Variants in ERCC4 observed in about 807,000 individuals in gnomAD.
ERCC4 encodes DNA repair endonuclease XPF.
ERCC4 carries 65 observed loss-of-function variants against 76.9 expected under a neutral mutation model. The ratio of observed to expected loss-of-function variants is 0.84; its 90% confidence interval spans 0.69 to 1.04. The LOEUF is 1.04. ERCC4 is among the 50% of genes least tolerant of loss of function. The pLI is 0.00. For synonymous variants in ERCC4, 463 were observed against 410.1 expected, an observed-to-expected ratio of 1.13 and a Z score of -1.56; for missense variants, 1,214 against 1,128.2, an observed-to-expected ratio of 1.08 and a Z score of -1.09.
rs2032620267 is a variant in ERCC4, at chr16:13,951,039, C to A, written c.*2692C>A. The A allele has an allele frequency of 5.3e-6, 1 of 188,856 alleles. No homozygotes were observed. The highest frequency in any genetic ancestry group is 2.3e-5 in the African/African-American group (1 of 42,900). The allele number at this position is 188,856 out of a possible 1,614,324, so 11.7% of individuals were successfully genotyped here. A position where few individuals can be genotyped will look rare whatever the true frequency, so the allele number is the denominator to read the frequency against. On this transcript the variant is annotated 3_prime_UTR_variant, in exon 11 of 11. Coordinates refer to ENST00000311895, the MANE Select transcript of ERCC4 (RefSeq NM_005236.3). ...AATTTCTAATGAATTCTAAAATGGT[C>A]ATTGTAAGTGAAAGCCTCTCGCTAC...
At chr16:13,934,379 T>A in intron 7 of ERCC4, 77 bp downstream of exon 7, 1 of 962,470 alleles carries the variant, frequency 1.0e-6, no homozygotes, top group Non-Finnish European at 1.7e-6. Context: ...TCTTTAAAAG[T>A]AGTTCAAGAC....
Position 13,950,680 on chromosome 16 carries a change from C to G in ERCC4, c.*2333C>G, listed in dbSNP as rs1205941567. ...TATTATAATGTCTCTTCACCCTATTCTAGCACTTCTGCTTGCAGTATGTGG... is the reference window on the plus strand; with the variant it reads ...TATTATAATGTCTCTTCACCCTATTGTAGCACTTCTGCTTGCAGTATGTGG... On this transcript the variant is annotated 3_prime_UTR_variant, in exon 11 of 11. Transcript: ENST00000311895. The G allele has an allele frequency of 1.5e-5, 3 of 194,296 alleles. No individual in the cohort carries two copies. The allele number at this position is 194,296 out of a possible 1,614,324, so 12.0% of individuals were successfully genotyped here.
In ERCC4 at chr16:13,934,282, G is replaced by A. The variant is rs1238124123; in HGVS notation, c.1193G>A (p.Ser398Asn). The A allele has an allele frequency of 7.4e-6, 12 of 1,611,924 alleles. No homozygotes were observed. The African/African-American group carries it at 1.5e-4, about 20-fold the overall frequency. ...LKEIEAENKE[S>N]EALGGPGQVL... ...GAAATTGAGGCAGAAAATAAGGAGA[G>A]TGAAGCTCTTGGTGGTCCAGGTAGG... Residue 398 changes from serine to asparagine, a missense_variant, in exon 7 of 11, where the codon AGT becomes AAT. Coordinates refer to ENST00000311895, the MANE Select transcript of ERCC4 (RefSeq NM_005236.3).
At chr16:13,931,419 T>G (rs1348461093) in intron 5 of ERCC4, 2 of 160,928 alleles carry the variant, frequency 1.2e-5, no homozygotes, top group Non-Finnish European at 2.7e-5. Context: ...GGTCAAGATT[T>G]AATACAGTTA....
intron 7 of ERCC4, chr16:13,934,578 G>A (rs1303084375): frequency 2.5e-6 from 1 of 396,312 alleles, no homozygotes; most frequent in Non-Finnish European, 4.6e-6. Flanking sequence ...AAACTAGTTG[G>A]GTTCTTAGAA....
chr16:13,948,537 C>A lies in ERCC4; in HGVS notation c.*190C>A. The A allele has an allele frequency of 1.5e-6, 1 of 659,046 alleles. No individual in the cohort carries two copies. Among genetic ancestry groups the A allele is most frequent in the African/African-American group, 1.8e-5 (1 of 55,090 alleles). 40.8% of individuals were successfully genotyped at this position (659,046 alleles called of 1,614,324 possible). On this transcript the variant is annotated 3_prime_UTR_variant, in exon 11 of 11. Coordinates refer to ENST00000311895, the MANE Select transcript of ERCC4 (RefSeq NM_005236.3). Reference sequence around the variant, plus strand: ...TAGGCATCACTTGAACTTGCCTGTGCCTGCTCTTTTTCCTCCCTGCACCGT... The same window carrying A: ...TAGGCATCACTTGAACTTGCCTGTGACTGCTCTTTTTCCTCCCTGCACCGT...
At chr16:13,934,850 C>A (rs2032251559) in intron 7 of ERCC4, 1 of 314,338 alleles carries the variant, frequency 3.2e-6, no homozygotes, top group Non-Finnish European at 6.0e-6. Flanking sequence ...ATGAGATCCT[C>A]TGGAAAAAAA....
At chr16:13,922,003 C>G (rs1364233549) in intron 1 of ERCC4, 28 bp from the exon 2 acceptor site, 1 of 1,546,236 alleles carries the variant, frequency 6.5e-7, no homozygotes, top group Non-Finnish European at 8.9e-7. Context: ...TATTAAATAG[C>G]CTACTAATCA....
chr16:13,932,245 A>G lies in ERCC4; in HGVS notation c.1062A>G (p.Lys354=), dbSNP rs745796159. 6.2e-7 allele frequency: 1 copy of G among 1,611,786 alleles called. No homozygotes were observed. Among genetic ancestry groups the G allele is most frequent in the Non-Finnish European group, 8.5e-7 (1 of 1,178,216 alleles). ...TTCCAGATGCCAAAATGAGTAAAAAAGAAAAAATATCTGAAAAAATGGAAA... is the reference window on the plus strand; with the variant it reads ...TTCCAGATGCCAAAATGAGTAAAAAGGAAAAAATATCTGAAAAAATGGAAA... ...YHLPDAKMSK[K]EKISEKMEIK... The change falls in exon 6 of 11, where the codon AAA becomes AAG. Residue 354 remains lysine, a synonymous_variant. Coordinates refer to ENST00000311895, the MANE Select transcript of ERCC4 (RefSeq NM_005236.3).
At chr16:13,922,428 G>T (rs147635799) in intron 2 of ERCC4, 16 of 760,290 alleles carry the variant, frequency 2.1e-5, no homozygotes, top group Non-Finnish European at 2.6e-5. Context: ...ATCGATTCCT[G>T]ACTACTTTGT....
At position 13,920,241 on chromosome 16, in the gene ERCC4, C is replaced by T. The variant is rs1177929089; in HGVS notation, c.76C>T (p.Leu26=). ...GTACGAGCGACAGCTGGTGCTGGAA[C>T]TGCTCGACACTGACGGGCTAGTAGT... is the stretch of plus-strand genomic sequence containing the variant. ...LEYERQLVLE[L]LDTDGLVVCA... Residue 26 remains leucine (L), a synonymous_variant, in exon 1 of 11, where the codon CTG becomes TTG. Transcript: ENST00000311895. The T allele has an allele frequency of 1.2e-6, 2 of 1,607,828 alleles. No individual in the cohort carries two copies. Among genetic ancestry groups the T allele is most frequent in the East Asian group, 2.2e-5 (1 of 44,884 alleles).
Position 13,920,194 on chromosome 16 carries a change from T to C in ERCC4, c.29T>C (p.Ile10Thr). The change falls in exon 1 of 11, where the codon ATT (isoleucine) becomes ACT (threonine). Residue 10 changes from isoleucine (I) to threonine (T), a missense_variant. Ile to Thr is a moderately conservative substitution (Grantham distance 89, BLOSUM62 -1). Transcript: ENST00000311895. Reference protein sequence around the residue: MESGQPARRIAMAPLLEYER... With the variant: MESGQPARRTAMAPLLEYER... ...GAGTCAGGGCAGCCGGCTCGACGGA[T>C]TGCCATGGCGCCGCTGCTGGAGTAC... 1 of 1,606,822 alleles carries C rather than the reference T, an allele frequency of 6.2e-7. No individual in the cohort carries two copies. The highest frequency in any genetic ancestry group is 1.3e-5 in the African/African-American group (1 of 75,052).
intron 2 of ERCC4, among the ~76,000 whole-genome samples, chr16:13,923,166 G>A (rs1237817520): frequency 6.6e-6 from 1 of 152,108 alleles, no homozygotes; most frequent in Non-Finnish European, 1.5e-5. Flanking sequence ...AGCTAATGTA[G>A]GGGCTGTGCC....
intron 5 of ERCC4, chr16:13,931,409 G>T (rs2032169190): frequency 6.2e-6 from 1 of 161,280 alleles, no homozygotes; most frequent in Non-Finnish European, 1.4e-5. Flanking sequence ...GAACCCCTGG[G>T]GTCAAGATTT....
At chr16:13,928,335 T>C (rs1291543172) in intron 4 of ERCC4, 100 bp downstream of exon 4, 7 of 862,054 alleles carry the variant, frequency 8.1e-6, no homozygotes, top group African/African-American at 6.8e-5. Flanking sequence ...TTTGCTGTTA[T>C]TTAAGAATAA....
chr16:13,922,308 TTCAGTCTTGAAGGAC>T (rs2031993825), intron 2 of ERCC4, 97 bp downstream of exon 2: 1 of 934,948 alleles, frequency 1.1e-6, no homozygotes, highest in Non-Finnish European at 1.7e-6. Flanking sequence ...ATAGTCTGTC[TTCAGTCTTGAAGGAC>T]TCAGCTCCCT....
At position 13,944,714 on chromosome 16, in the gene ERCC4, C is replaced by T. The variant is rs200794599; in HGVS notation, c.1905-9C>T. ...GTTTCAGAAGTGTTGACAATGTTTT[C>T]TCCCACAGGGAAAAAGCAAGCATGG... is the stretch of plus-strand genomic sequence containing the variant. On this transcript the variant is annotated splice_polypyrimidine_tract_variant and intron_variant, in intron 9 of 10. Transcript: ENST00000311895. 1 of 1,579,924 alleles carries T rather than the reference C, an allele frequency of 6.3e-7. No individual in the cohort carries two copies.
At chr16:13,946,550 A>G (rs1024755309) in intron 10 of ERCC4, among the ~76,000 whole-genome samples, 6 of 152,238 alleles carry the variant, frequency 3.9e-5, no homozygotes, top group African/African-American at 1.4e-4. Flanking sequence ...TGTACAGCAC[A>G]TGACCGTATT....
intron 4 of ERCC4, among the ~76,000 whole-genome samples, chr16:13,928,597 C>A (rs1428382445): frequency 6.6e-6 from 1 of 152,084 alleles, no homozygotes; most frequent in Non-Finnish European, 1.5e-5. Context: ...TTTATGATCT[C>A]TTTTATGGAA....
Sources: gnomAD v4.1 joint callset for allele counts (sites outside exome capture counted in the v4.1 genomes callset) on GRCh38, gnomAD v4.1.1 for gene constraint, MANE v1.5 for transcripts, NCBI Gene and HGNC (gene_info 2026-07-23, HGNC 2026-07-21) for gene names.